AK8: variants seen among roughly 807,000 people sequenced by gnomAD.
The protein encoded by AK8 is ATP-AMP transphosphorylase 8.
AK8 carries 44 observed loss-of-function variants against 54.6 expected under a neutral mutation model. The observed-to-expected ratio is 0.81, with a 90% CI of 0.63 to 1.04. The LOEUF (loss-of-function observed/expected upper bound fraction) is 1.04, where lower values mean the gene tolerates loss of function less well. Ranked by LOEUF, AK8 falls within the 50% of genes least tolerant of loss-of-function variation. The probability of loss-of-function intolerance (pLI) is 0.00; values close to 1 mark genes in which losing one functional copy is unlikely to be tolerated. For missense variants in AK8, 555 were observed against 613.6 expected (o/e 0.90, Z 1.01); for synonymous variants, 239 against 245.6 (o/e 0.97, Z 0.25).
intron 5 of AK8, among the ~76,000 whole-genome samples, chr9:132,843,889 A>T (rs904228405): frequency 4.6e-5 from 7 of 152,178 alleles, no homozygotes; most frequent in Non-Finnish European, 8.8e-5. Flanking sequence ...TTCTTTAAAA[A>T]GCCATCCTTC....
intron 1 of AK8, among the ~76,000 whole-genome samples, chr9:132,876,207 T>G (rs1030208197): frequency 6.6e-5 from 10 of 152,366 alleles, no homozygotes; most frequent in South Asian, 4.1e-4. Context: ...TCAGCTTCTC[T>G]GCCTGTTCAG....
At chr9:132,847,140 G>A (rs1367039925) in intron 5 of AK8, among the ~76,000 whole-genome samples, 1 of 152,260 alleles carries the variant, frequency 6.6e-6, no homozygotes, top group Non-Finnish European at 1.5e-5. Flanking sequence ...TCTTGACCAG[G>A]AGAGCGGGCC....
chr9:132,727,516 C>A lies in AK8; in HGVS notation c.1140G>T (p.Val380=). ...GCCGCTCCATGATGGAATCAAATGG[C>A]ACATTCAGGAAAAACACCCTATAAG... ...YNPNRVFFLN[V]PFDSIMERLT... Residue 380 remains valine, a synonymous_variant, in exon 12 of 13, where the codon GTG becomes GTT. Coordinates refer to ENST00000298545, the MANE Select transcript of AK8 (RefSeq NM_152572.3). 1 of 1,613,952 alleles carries A rather than the reference C, an allele frequency of 6.2e-7. No individual in the cohort carries two copies. The highest frequency in any genetic ancestry group is 1.3e-5 in the African/African-American group (1 of 75,024).
chr9:132,786,498 G>T (rs932926992), intron 11 of AK8, among the ~76,000 whole-genome samples: 3 of 152,150 alleles, frequency 2.0e-5, no homozygotes, highest in African/African-American at 7.2e-5. Context: ...GGTCCTGGCA[G>T]CAAGGCCTTT....
chr9:132,756,946 T>A (rs944504049), intron 11 of AK8, among the ~76,000 whole-genome samples: 11 of 151,884 alleles, frequency 7.2e-5, no homozygotes, highest in African/African-American at 2.7e-4. Flanking sequence ...CAAAGCCATT[T>A]CCCCCCCAAA....
intron 11 of AK8, among the ~76,000 whole-genome samples, chr9:132,741,684 C>T (rs540333414): frequency 3.9e-5 from 6 of 152,300 alleles, no homozygotes; most frequent in Admixed American, 3.9e-4. Flanking sequence ...TAATTCACCC[C>T]TGTAATGAGT....
At chr9:132,765,021 G>A (rs1474726256) in intron 11 of AK8, among the ~76,000 whole-genome samples, 1 of 152,098 alleles carries the variant, frequency 6.6e-6, no homozygotes, top group African/African-American at 2.4e-5. Flanking sequence ...AGCTGGGCGT[G>A]GTGGCTCACG....
At chr9:132,777,861 C>A (rs2131114184) in intron 11 of AK8, among the ~76,000 whole-genome samples, 1 of 152,316 alleles carries the variant, frequency 6.6e-6, no homozygotes, top group South Asian at 2.1e-4. Flanking sequence ...GGGTCCCACC[C>A]CCAACACACG....
intron 4 of AK8, among the ~76,000 whole-genome samples, chr9:132,862,211 G>C (rs1216409912): frequency 6.6e-6 from 1 of 152,158 alleles, no homozygotes; most frequent in Non-Finnish European, 1.5e-5. Context: ...GGCGGCTGGG[G>C]GACTGACTTG....
chr9:132,803,520 A>C lies in AK8; in HGVS notation c.980-10745T>G, dbSNP rs1324736626. The stretch of plus-strand genomic sequence containing the variant: ...GAGTAATCAGTGATTACAACCAGTG[A>C]CCATAGTAAGTAATTAGTGAATTAC... On this transcript the variant is annotated intron_variant, in intron 10 of 12. Coordinates refer to ENST00000298545, the MANE Select transcript of AK8 (RefSeq NM_152572.3). The surrounding 1 kb of genome is among the most constrained non-coding windows in gnomAD (Gnocchi z 4.4). 6.6e-6 allele frequency among the ~76,000 whole-genome samples: 1 copy of C among 152,196 alleles called. No homozygotes were observed. Among genetic ancestry groups the C allele is most frequent in the African/African-American group, 2.4e-5 (1 of 41,446 alleles).
intron 1 of AK8, chr9:132,877,659 G>T: frequency 2.8e-6 from 1 of 357,584 alleles, no homozygotes; most frequent in South Asian, 2.0e-5. Flanking sequence ...TGGCCCTGAG[G>T]AGGAGGGACC....
chr9:132,836,434 G>A (rs1842326493), intron 5 of AK8, among the ~76,000 whole-genome samples: 1 of 152,138 alleles, frequency 6.6e-6, no homozygotes, highest in Non-Finnish European at 1.5e-5. Flanking sequence ...TAAGTTTGTA[G>A]AACTTAATAT....
chr9:132,809,275 A>G (rs1319489782), intron 10 of AK8, among the ~76,000 whole-genome samples: 3 of 152,166 alleles, frequency 2.0e-5, no homozygotes, highest in Non-Finnish European at 4.4e-5. Context: ...CTCTTCTGGA[A>G]GTTCTGAAAG....
intron 5 of AK8, among the ~76,000 whole-genome samples, chr9:132,853,078 C>G (rs563909381): frequency 3.3e-5 from 5 of 151,866 alleles, no homozygotes; most frequent in African/African-American, 1.2e-4. Flanking sequence ...AAAAATAGGC[C>G]GGGCACGGTA....
chr9:132,845,924 C>T (rs1218732685), intron 5 of AK8, among the ~76,000 whole-genome samples: 1 of 151,988 alleles, frequency 6.6e-6, no homozygotes, highest in Non-Finnish European at 1.5e-5. Flanking sequence ...GGAAACAAAT[C>T]TGTCCAGGCA....
At chr9:132,780,970 C>A (rs966050558) in intron 11 of AK8, among the ~76,000 whole-genome samples, 4 of 151,858 alleles carry the variant, frequency 2.6e-5, no homozygotes, top group African/African-American at 9.7e-5. Flanking sequence ...AAGGAGGATG[C>A]AAAAAAACAG....
At chr9:132,753,153 G>A (rs980528796) in intron 11 of AK8, among the ~76,000 whole-genome samples, 5 of 152,222 alleles carry the variant, frequency 3.3e-5, no homozygotes, top group Admixed American at 6.5e-5. Flanking sequence ...CAGGAGGAAG[G>A]AGCCAGGCCA....
chr9:132,861,491 T>G (rs1188621851), intron 4 of AK8: 1 of 152,192 alleles, frequency 6.6e-6, no homozygotes, highest in East Asian at 1.9e-4. Context: ...GGCTGGAAGC[T>G]TCTGGGGTAA....
Position 132,770,580 on chromosome 9 carries a change from T to C in AK8, c.1121+22054A>G, listed in dbSNP as rs1838923996. Among the ~76,000 whole-genome samples the C allele has an allele frequency of 6.6e-6, 1 of 152,132 alleles. No homozygotes were observed. The highest frequency in any genetic ancestry group is 6.5e-5 in the Admixed American group (1 of 15,284). On this transcript the variant is annotated intron_variant, in intron 11 of 12. Coordinates refer to ENST00000298545, the MANE Select transcript of AK8 (RefSeq NM_152572.3). This position sits in a 1 kb window ranked among gnomAD's most constrained non-coding sequence, Gnocchi z 4.3. ...GAGCAGCCCGCGTGAGGGTCAGTGG[T>C]GACTTCCGGGATTGAATTGGCTGGG...
Sources: allele counts gnomAD v4.1 joint callset (sites outside exome capture counted in the v4.1 genomes callset), GRCh38; gene constraint gnomAD v4.1.1; non-coding constraint Gnocchi (gnomAD v3.1); transcripts MANE v1.5; gene names NCBI Gene and HGNC (gene_info 2026-07-23, HGNC 2026-07-21).